The following ANKS1B variants were observed in gnomAD, a reference collection of about 807,000 sequenced individuals.
ANKS1B encodes ankyrin repeat and sterile alpha motif domain-containing protein 1B.
A neutral mutation model predicts 148.3 loss-of-function variants in ANKS1B; 36 were observed. The observed-to-expected ratio is 0.24, with a 90% CI of 0.19 to 0.32. ANKS1B has a LOEUF of 0.32. Ranked by LOEUF, ANKS1B falls within the 10% of genes least tolerant of loss-of-function variation. The pLI is 1.00. For synonymous variants in ANKS1B, 542 were observed against 560.8 expected, an observed-to-expected ratio of 0.97 and a Z score of 0.47; for missense variants, 1,157 against 1,542.6, an observed-to-expected ratio of 0.75 and a Z score of 4.19.
intron 25 of ANKS1B, among the ~76,000 whole-genome samples, chr12:98,765,399 G>C (rs911325634): frequency 2.6e-5 from 4 of 151,988 alleles, no homozygotes; most frequent in Non-Finnish European, 4.4e-5. Context: ...AAGTAGCTGG[G>C]ATTACAGGTG....
intron 14 of ANKS1B, among the ~76,000 whole-genome samples, chr12:99,190,738 A>T (rs2080554799): frequency 6.6e-6 from 1 of 152,178 alleles, no homozygotes; most frequent in Non-Finnish European, 1.5e-5. Context: ...AACCATAAAA[A>T]CCCTAGAAGA....
At chr12:99,091,262 C>T (rs374780277) in intron 15 of ANKS1B, among the ~76,000 whole-genome samples, 116 of 152,128 alleles carry the variant, frequency 7.6e-4, no homozygotes, top group African/African-American at 2.6e-3. Context: ...TTTCTGTCAC[C>T]GATTTTTTCC....
intron 8 of ANKS1B, among the ~76,000 whole-genome samples, chr12:99,694,975 T>A (rs1246170924): frequency 6.6e-6 from 1 of 152,158 alleles, no homozygotes; most frequent in Non-Finnish European, 1.5e-5. Context: ...AGTTTTGTCC[T>A]TGGAATGCAT....
intron 11 of ANKS1B, among the ~76,000 whole-genome samples, chr12:99,442,465 G>A (rs889579577): frequency 1.3e-5 from 2 of 151,694 alleles, no homozygotes; most frequent in African/African-American, 2.4e-5. Context: ...ACCTCATGAG[G>A]ATATTTTTAA....
chr12:99,306,579 T>C (rs1431407919), intron 12 of ANKS1B, among the ~76,000 whole-genome samples: 1 of 152,072 alleles, frequency 6.6e-6, no homozygotes, highest in Non-Finnish European at 1.5e-5. Context: ...ATTATCCAGG[T>C]TTTTATCAAC....
intron 12 of ANKS1B, among the ~76,000 whole-genome samples, chr12:99,353,480 A>G (rs1009817633): frequency 3.9e-5 from 6 of 151,954 alleles, no homozygotes; most frequent in Non-Finnish European, 7.4e-5. Context: ...ATTAAATTCA[A>G]TCTCTTCTAT....
intron 17 of ANKS1B, among the ~76,000 whole-genome samples, chr12:98,975,495 C>T (rs1022230653): frequency 2.0e-5 from 3 of 151,944 alleles, no homozygotes; most frequent in Admixed American, 2.0e-4. Flanking sequence ...GTGCCAAGAC[C>T]CGGTATAAGG....
chr12:99,649,280 C>A, intron 9 of ANKS1B: 1 of 1,608,748 alleles, frequency 6.2e-7, no homozygotes, highest in South Asian at 1.1e-5. Context: ...TATTTGTTCT[C>A]TCCCTAGGGA....
chr12:99,139,354 C>CTTCTCTCTCTTTTT lies in ANKS1B; in HGVS notation c.2526+14934_2526+14935insAAAAAGAGAGAGAA, dbSNP rs57648906. On this transcript the variant is annotated intron_variant, in intron 15 of 26. Coordinates refer to ENST00000683438, the MANE Select transcript of ANKS1B (RefSeq NM_001352186.2). ...TCTCTTTCCCTACCTTCCCTCCCTC[C>CTTCTCTCTCTTTTT]CTCCCTCCCTCCCTCCCTCCCTCCC... Among the ~76,000 whole-genome samples, 6 of 3,370 alleles carry CTTCTCTCTCTTTTT rather than the reference C, an allele frequency of 1.8e-3. 2 individuals are homozygous for CTTCTCTCTCTTTTT. The highest frequency in any genetic ancestry group is 0.01 in the Admixed American group (2 of 198). The allele number at this position is 3,370 out of a possible 152,430, so 2.2% of individuals were successfully genotyped here. A position where few individuals can be genotyped will look rare whatever the true frequency, so the allele number is the denominator to read the frequency against.
At chr12:99,175,870 C>T (rs908927420) in intron 14 of ANKS1B, among the ~76,000 whole-genome samples, 13 of 151,950 alleles carry the variant, frequency 8.6e-5, no homozygotes, top group African/African-American at 2.7e-4. Context: ...CTTTTGAGAC[C>T]GAGTCCTGCT....
intron 12 of ANKS1B, among the ~76,000 whole-genome samples, chr12:99,318,268 G>C (rs906824429): frequency 6.6e-6 from 1 of 152,192 alleles, no homozygotes; most frequent in Non-Finnish European, 1.5e-5. Context: ...ATCTCTGGTA[G>C]AATTCAGCTG....
intron 14 of ANKS1B, among the ~76,000 whole-genome samples, chr12:99,243,708 G>A (rs991172750): frequency 2.0e-5 from 3 of 152,320 alleles, no homozygotes; most frequent in Admixed American, 6.5e-5. Flanking sequence ...TTAAAAGGAT[G>A]AGCTCATGTC....
intron 12 of ANKS1B, among the ~76,000 whole-genome samples, chr12:99,372,582 C>T (rs2152475695): frequency 6.6e-6 from 1 of 152,122 alleles, no homozygotes; most frequent in East Asian, 1.9e-4. Flanking sequence ...ATTTCAAATC[C>T]TAAACAAGAC....
intron 1 of ANKS1B, among the ~76,000 whole-genome samples, chr12:99,845,391 G>A (rs2086485545): frequency 6.6e-6 from 1 of 152,054 alleles, no homozygotes; most frequent in South Asian, 2.1e-4. Context: ...TTATTTTGAG[G>A]TATGTTCTTT....
chr12:99,022,535 A>G lies in ANKS1B; in HGVS notation c.2778+30622T>C, dbSNP rs962739343. On this transcript the variant is annotated intron_variant, in intron 17 of 26. Transcript: ENST00000683438. ...TACTGTTTATTTCCCAGGAGTTGAC[A>G]TTTTATTATGTTTTGTTTCTTTCTT... Among the ~76,000 whole-genome samples, 37 of 152,106 alleles carry G rather than the reference A, an allele frequency of 2.4e-4. 1 individual carries two copies. The highest frequency in any genetic ancestry group is 2.0e-3 in the Admixed American group (30 of 15,266).
At chr12:99,194,642 A>C (rs2081167704) in intron 14 of ANKS1B, among the ~76,000 whole-genome samples, 1 of 152,180 alleles carries the variant, frequency 6.6e-6, no homozygotes, top group Admixed American at 6.5e-5. Context: ...ACAAAAGGTT[A>C]AAAAATAAAT....
intron 12 of ANKS1B, among the ~76,000 whole-genome samples, chr12:99,363,979 A>G (rs2092628308): frequency 6.6e-6 from 1 of 152,122 alleles, no homozygotes; most frequent in Admixed American, 6.5e-5. Flanking sequence ...AGATACAATT[A>G]GCCTCCCTCT....
chr12:98,796,687 G>A (rs752226624), intron 22 of ANKS1B, among the ~76,000 whole-genome samples: 16 of 152,120 alleles, frequency 1.1e-4, no homozygotes, highest in Non-Finnish European at 2.2e-4. Context: ...ATGATAGTCC[G>A]AGAAGTAATG....
intron 14 of ANKS1B, among the ~76,000 whole-genome samples, chr12:99,226,999 T>C (rs2086050055): frequency 6.6e-6 from 1 of 152,228 alleles, no homozygotes; most frequent in South Asian, 2.1e-4. Context: ...AATGTTGCTG[T>C]GATCAGCTAA....
Sources: allele counts gnomAD v4.1 joint callset (sites outside exome capture counted in the v4.1 genomes callset), GRCh38; gene constraint gnomAD v4.1.1; transcripts MANE v1.5; gene names NCBI Gene and HGNC (gene_info 2026-07-23, HGNC 2026-07-21).